QTMAN: variants seen among roughly 807,000 people sequenced by gnomAD.
QTMAN encodes the protein queuosine-tRNA mannosyltransferase, also known as tRNA-queuosine alpha-mannosyltransferase.
chr2:144,260,889 A>G, the QTMAN span, among the ~76,000 whole-genome samples: 1 of 152,114 alleles, frequency 6.6e-6, no homozygotes, highest in African/African-American at 2.4e-5. Flanking sequence ...GATTTAAAAA[A>G]AAAAGAAAAA....
At chr2:144,229,123 G>A in the QTMAN span, among the ~76,000 whole-genome samples, 2 of 152,106 alleles carry the variant, frequency 1.3e-5, no homozygotes, top group East Asian at 1.9e-4. Context: ...TAGCATTATT[G>A]TATTATTTAA....
At chr2:143,982,516 T>A in the QTMAN span, among the ~76,000 whole-genome samples, 1 of 150,802 alleles carries the variant, frequency 6.6e-6, no homozygotes, top group East Asian at 2.0e-4. Context: ...ATTACAGGCA[T>A]GAGCCACCAT....
the QTMAN span, among the ~76,000 whole-genome samples, chr2:144,246,682 T>C: frequency 6.6e-6 from 1 of 151,690 alleles, no homozygotes; most frequent in Non-Finnish European, 1.5e-5. Flanking sequence ...TCCAACTATA[T>C]CCCACACTCT....
At chr2:143,975,719 GAT>G in the QTMAN span, among the ~76,000 whole-genome samples, 1 of 152,190 alleles carries the variant, frequency 6.6e-6, no homozygotes, top group African/African-American at 2.4e-5. Flanking sequence ...TGGACCTTAA[GAT>G]GTCTTGTGTT....
At chr2:144,147,596 G>A in the QTMAN span, among the ~76,000 whole-genome samples, 1 of 151,654 alleles carries the variant, frequency 6.6e-6, no homozygotes, top group East Asian at 1.9e-4. Context: ...GCCCATCCCT[G>A]ACCATACATA....
the QTMAN span, among the ~76,000 whole-genome samples, chr2:144,291,970 G>A: frequency 6.6e-6 from 1 of 152,124 alleles, no homozygotes; most frequent in Non-Finnish European, 1.5e-5. Flanking sequence ...GATGAAACAT[G>A]CGGGTTCAAA....
the QTMAN span, among the ~76,000 whole-genome samples, chr2:144,322,656 C>G: frequency 6.6e-6 from 1 of 151,998 alleles, no homozygotes; most frequent in Non-Finnish European, 1.5e-5. Flanking sequence ...GTATTAATAG[C>G]CCATTCAGAT....
the QTMAN span, among the ~76,000 whole-genome samples, chr2:144,238,858 G>A: frequency 1.3e-5 from 2 of 152,008 alleles, no homozygotes; most frequent in Admixed American, 1.3e-4. Flanking sequence ...GCTAAGGCTG[G>A]CAAGAACCAA....
the QTMAN span, among the ~76,000 whole-genome samples, chr2:144,328,681 A>G: frequency 6.6e-6 from 1 of 152,202 alleles, no homozygotes; most frequent in Admixed American, 6.5e-5. Flanking sequence ...CAGAACCAGC[A>G]ATTACAGATG....
the QTMAN span, among the ~76,000 whole-genome samples, chr2:144,211,955 G>C: frequency 6.6e-6 from 1 of 152,152 alleles, no homozygotes; most frequent in Non-Finnish European, 1.5e-5. Context: ...GTGAGTACTT[G>C]GAAGCAGCAG....
chr2:144,183,435 T>C, the QTMAN span, among the ~76,000 whole-genome samples: 8 of 152,278 alleles, frequency 5.3e-5, no homozygotes, highest in South Asian at 1.2e-3. Flanking sequence ...GCCATTTCTG[T>C]AATACTTGTC....
the QTMAN span, chr2:143,970,522 C>T: frequency 2.4e-5 from 16 of 664,896 alleles, 1 homozygote; most frequent in Admixed American, 2.5e-4. Flanking sequence ...ACTTTAATGC[C>T]ATCGTATAAT....
the QTMAN span, among the ~76,000 whole-genome samples, chr2:144,183,985 C>T: frequency 1.3e-5 from 2 of 152,128 alleles, no homozygotes; most frequent in Admixed American, 1.3e-4. Context: ...CGTACAGTGG[C>T]GTGATTGAGC....
chr2:144,164,397 CATTATT>C, the QTMAN span, among the ~76,000 whole-genome samples: 1 of 151,904 alleles, frequency 6.6e-6, no homozygotes, highest in Non-Finnish European at 1.5e-5. Context: ...GACTGTTTAC[CATTATT>C]ATTATTAAAT....
chr2:144,008,648 G>T, the QTMAN span, among the ~76,000 whole-genome samples: 1 of 151,720 alleles, frequency 6.6e-6, no homozygotes, highest in Non-Finnish European at 1.5e-5. Flanking sequence ...GGGTTTCAGA[G>T]GTAGGTGAAA....
chr2:143,955,022 G>A, the QTMAN span, among the ~76,000 whole-genome samples: 73 of 152,196 alleles, frequency 4.8e-4, no homozygotes, highest in African/African-American at 1.7e-3. Context: ...ATTTTGCTTG[G>A]CTGAATTACT....
chr2:144,280,466 G>A, the QTMAN span, among the ~76,000 whole-genome samples: 4 of 152,118 alleles, frequency 2.6e-5, no homozygotes, highest in Non-Finnish European at 5.9e-5. Context: ...GGCAGTGCAG[G>A]ATTTTGGGGG....
At chr2:144,269,123 T>C in the QTMAN span, among the ~76,000 whole-genome samples, 22 of 152,212 alleles carry the variant, frequency 1.4e-4, no homozygotes, top group Non-Finnish European at 2.9e-4. Context: ...TATATAAATC[T>C]ACGTAAGATG....
the QTMAN span, among the ~76,000 whole-genome samples, chr2:144,061,746 T>A: frequency 6.6e-6 from 1 of 152,020 alleles, no homozygotes; most frequent in African/African-American, 2.4e-5. Context: ...TGCCCAAATG[T>A]TACCATTTGG....
Sources: gnomAD v4.1 joint callset for allele counts (sites outside exome capture counted in the v4.1 genomes callset) on GRCh38, gnomAD v4.1.1 for gene constraint, MANE v1.5 for transcripts, NCBI Gene and HGNC (gene_info 2026-07-23, HGNC 2026-07-21) for gene names.